ATIC: variants seen among roughly 807,000 people sequenced by gnomAD.
ATIC encodes 5-aminoimidazole-4-carboxamide ribonucleotide formyltransferase/IMP cyclohydrolase.
ATIC carries 64 observed loss-of-function variants against 72.5 expected under a neutral mutation model. The observed-to-expected ratio is 0.88, with a 90% CI of 0.72 to 1.09. The LOEUF (loss-of-function observed/expected upper bound fraction) is 1.09, where lower values mean the gene tolerates loss of function less well. Among genes scored for constraint, ATIC ranks in the 50% least tolerant of loss-of-function variants. ATIC has a pLI of 0.00. For missense variants in ATIC, 787 were observed against 732.4 expected (o/e 1.07, Z -0.86); for synonymous variants, 281 against 267.1 (o/e 1.05, Z -0.51).
the ATIC span, chr2:215,365,704 G>T: frequency 6.8e-7 from 1 of 1,466,780 alleles, no homozygotes; most frequent in Non-Finnish European, 9.5e-7. Context: ...GGTGAACTGG[G>T]ACGTGTCACA....
At chr2:215,358,849 A>C in the ATIC span, among the ~76,000 whole-genome samples, 1 of 152,200 alleles carries the variant, frequency 6.6e-6, no homozygotes, top group South Asian at 2.1e-4. Flanking sequence ...CATTTAGTTA[A>C]TACAGTCCAA....
At chr2:215,350,811 T>C (rs538085890), downstream of ATIC, among the ~76,000 whole-genome samples, 1 of 152,350 alleles carries the variant, frequency 6.6e-6, no homozygotes, top group Admixed American at 6.5e-5. Flanking sequence ...TCCCGTGCAT[T>C]GCACCTGTGT....
chr2:215,352,848 A>G (rs1229028228), downstream of ATIC, among the ~76,000 whole-genome samples: 1 of 133,766 alleles, frequency 7.5e-6, no homozygotes, highest in Non-Finnish European at 1.6e-5. Context: ...CTTGCAGTCG[A>G]TTGACTGAAG....
intron 7 of ATIC, among the ~76,000 whole-genome samples, chr2:215,331,355 T>C (rs551472580): frequency 6.6e-6 from 1 of 150,666 alleles, no homozygotes; most frequent in African/African-American, 2.4e-5. Flanking sequence ...ATGAAGGACA[T>C]GAAATTACAC....
chr2:215,332,889 C>CTTCT (rs1296003779), intron 8 of ATIC, among the ~76,000 whole-genome samples: 5 of 152,168 alleles, frequency 3.3e-5, no homozygotes. Context: ...AGATACTTTG[C>CTTCT]TTCTGTGTTT....
Position 215,341,359 on chromosome 2 carries a change from CTAAGGTTTG to C in ATIC, c.1227+2455_1227+2463del, listed in dbSNP as rs549721282. On this transcript the variant is annotated intron_variant, in intron 12 of 15. Coordinates refer to ENST00000236959, the MANE Select transcript of ATIC (RefSeq NM_004044.7). ...TGCCTAGCTACTGAGAGTCTTTTTTCTAAGGTTTGTAGATATTGGATTCATTAATAATTT... is the reference window on the plus strand; with the variant it reads ...TGCCTAGCTACTGAGAGTCTTTTTTCTAGATATTGGATTCATTAATAATTT... Among the ~76,000 whole-genome samples the C allele has an allele frequency of 2.4e-4, 37 of 152,200 alleles. No individual in the cohort carries two copies. In the East Asian group the frequency reaches 6.8e-3, roughly 28 times the overall value.
At position 215,325,871 on chromosome 2, in the gene ATIC, T is replaced by A. The variant is rs2052818240; in HGVS notation, c.380-116T>A. ...ATGAGCCACTGCGCCCAGCTTATTT[T>A]CCTGATTTTTAAGTCAGGAATTAAA... On this transcript the variant is annotated intron_variant, in intron 5 of 15. Coordinates refer to ENST00000236959, the MANE Select transcript of ATIC (RefSeq NM_004044.7). The A allele has an allele frequency of 3.0e-6, 4 of 1,331,076 alleles. No individual in the cohort carries two copies. In the South Asian group the frequency reaches 5.0e-5, roughly 17 times the overall value. 82.5% of individuals were successfully genotyped at this position (1,331,076 alleles called of 1,614,324 possible).
chr2:215,365,609 A>G, the ATIC span: 24 of 1,613,880 alleles, frequency 1.5e-5, no homozygotes, highest in Non-Finnish European at 2.0e-5. Context: ...CTTGTAGTTC[A>G]CACCATTGTC....
intron 2 of ATIC, among the ~76,000 whole-genome samples, chr2:215,313,207 T>G (rs188484639): frequency 1.1e-3 from 175 of 152,344 alleles, no homozygotes; most frequent in African/African-American, 4.0e-3. Context: ...TCTTAGCCCC[T>G]TCCTTAAACA....
intron 4 of ATIC, among the ~76,000 whole-genome samples, chr2:215,321,836 G>T (rs1005381116): frequency 1.3e-5 from 2 of 152,258 alleles, no homozygotes; most frequent in African/African-American, 4.8e-5. Context: ...TTATTATTGA[G>T]TTGTAAGTTT....
chr2:215,362,338 C>A, the ATIC span: 1 of 479,326 alleles, frequency 2.1e-6, no homozygotes, highest in African/African-American at 2.0e-5. Flanking sequence ...CCTATTCAAA[C>A]CTTGCCCATC....
rs551274501 is a variant in ATIC at position 215,334,189 on chromosome 2, C to CTTTT, written c.923-711_923-708dup. ...AAAATTGAAATTACAAAAAGCTATT[C>CTTTT]TTTTTTTTTTTTTTTTTTTTTTGAG... On this transcript the variant is annotated intron_variant, in intron 9 of 15. Coordinates refer to ENST00000236959, the MANE Select transcript of ATIC (RefSeq NM_004044.7). 2.2e-3 allele frequency among the ~76,000 whole-genome samples: 224 copies of CTTTT among 100,950 alleles called. 5 individuals carry two copies. The highest frequency in any genetic ancestry group is 3.2e-3 in the Non-Finnish European group (164 of 51,780). 66.2% of individuals were successfully genotyped at this position (100,950 alleles called of 152,430 possible). A position where few individuals can be genotyped will look rare whatever the true frequency, so the allele number is the denominator to read the frequency against.
downstream of ATIC, among the ~76,000 whole-genome samples, chr2:215,350,654 TGTA>T (rs2053123488): frequency 6.6e-6 from 1 of 152,170 alleles, no homozygotes; most frequent in East Asian, 1.9e-4. Flanking sequence ...TGCATAAAAA[TGTA>T]GTCAATATTT....
chr2:215,364,678 G>A, the ATIC span: 7,131 of 613,756 alleles, frequency 0.012, 386 homozygotes, highest in African/African-American at 0.12. Context: ...TCTACTAAGA[G>A]TAATAGAAAG....
downstream of ATIC, among the ~76,000 whole-genome samples, chr2:215,351,291 G>A (rs1319169655): frequency 6.6e-6 from 1 of 152,198 alleles, no homozygotes; most frequent in East Asian, 1.9e-4. Flanking sequence ...CTGCCCAAAA[G>A]AGCTCTTGAA....
chr2:215,362,400 T>G, the ATIC span: 1 of 353,734 alleles, frequency 2.8e-6, no homozygotes. Context: ...CTGCACTAGA[T>G]GATAGAAAAG....
chr2:215,349,631 G>C lies in ATIC; in HGVS notation c.1755G>C (p.Thr585=). ...AACTGGGAATCATCCTCGCTCATAC[G>C]AACCTTCGGCTCTTCCACCACTGAT... ...CDELGIILAH[T]NLRLFHH The change falls in exon 16 of 16, where the codon ACG becomes ACC. Residue 585 remains threonine (T), a synonymous_variant. Transcript: ENST00000236959. The C allele has an allele frequency of 6.2e-7, 1 of 1,614,144 alleles. No individual in the cohort carries two copies. Among genetic ancestry groups the C allele is most frequent in the Non-Finnish European group, 8.5e-7 (1 of 1,180,032 alleles).
intron 12 of ATIC, among the ~76,000 whole-genome samples, chr2:215,339,233 A>G (rs2052990399): frequency 1.3e-5 from 2 of 152,208 alleles, no homozygotes; most frequent in Admixed American, 1.3e-4. Context: ...ATCAATACAT[A>G]TAGATGCTGG....
At chr2:215,362,515 T>G in the ATIC span, 1 of 220,228 alleles carries the variant, frequency 4.5e-6, no homozygotes, top group East Asian at 1.2e-4. Context: ...AGGAGTGACT[T>G]GCTTAGAGGG....
Sources: allele counts gnomAD v4.1 joint callset (sites outside exome capture counted in the v4.1 genomes callset), GRCh38; gene constraint gnomAD v4.1.1; transcripts MANE v1.5; gene names NCBI Gene and HGNC (gene_info 2026-07-23, HGNC 2026-07-21).